MAP4: variants seen among roughly 807,000 people sequenced by gnomAD.
MAP4 encodes the protein microtubule-associated protein 4.
Under a neutral mutation model 170.2 loss-of-function variants are expected in MAP4, and 76 were observed. That is an observed-to-expected ratio of 0.45 (90% CI 0.37 to 0.54). MAP4 has a LOEUF of 0.54. Among genes scored for constraint, MAP4 ranks in the 20% least tolerant of loss-of-function variants. MAP4 has a pLI of 0.00. For synonymous variants in MAP4, 909 were observed against 994.5 expected, an observed-to-expected ratio of 0.91 and a Z score of 1.62; for missense variants, 2,506 against 2,748.0, an observed-to-expected ratio of 0.91 and a Z score of 1.97.
At chr3:47,912,967 G>A (rs1206885681) in intron 8 of MAP4, among the ~76,000 whole-genome samples, 2 of 152,032 alleles carry the variant, frequency 1.3e-5, no homozygotes, top group Non-Finnish European at 2.9e-5. Context: ...GTCACTTCAC[G>A]CACACACACA....
intron 2 of MAP4, 101 bp from the exon 3 acceptor site, chr3:47,978,034 A>C (rs1368746719): frequency 2.6e-6 from 2 of 779,282 alleles, no homozygotes; most frequent in African/African-American, 3.4e-5. Context: ...TCTTTGTAGC[A>C]TTAGGTTAAA....
intron 2 of MAP4, among the ~76,000 whole-genome samples, chr3:47,987,175 T>C (rs1287422072): frequency 2.6e-5 from 4 of 152,206 alleles, no homozygotes; most frequent in Non-Finnish European, 1.5e-5. Flanking sequence ...TTCTTAACCC[T>C]GAGAAACTTG....
intron 4 of MAP4, among the ~76,000 whole-genome samples, chr3:47,923,430 C>T (rs1386305041): frequency 1.3e-5 from 2 of 150,812 alleles, no homozygotes; most frequent in Admixed American, 6.6e-5. Flanking sequence ...TTCAGAAAAC[C>T]ATGGGAGCCT....
chr3:48,058,537 G>C (rs903898198), intron 1 of MAP4, among the ~76,000 whole-genome samples: 2 of 152,096 alleles, frequency 1.3e-5, no homozygotes, highest in Non-Finnish European at 2.9e-5. Context: ...GTAACTATCA[G>C]AACTGGTGAT....
intron 1 of MAP4, among the ~76,000 whole-genome samples, chr3:48,010,270 CCAGCTATGA>C (rs1427381229): frequency 1.3e-5 from 2 of 152,168 alleles, no homozygotes; most frequent in Non-Finnish European, 2.9e-5. Context: ...GTCATCAATA[CCAGCTATGA>C]CCACGTGACC....
chr3:47,894,052 G>T (rs1188685459), intron 10 of MAP4, among the ~76,000 whole-genome samples: 1 of 151,474 alleles, frequency 6.6e-6, no homozygotes, highest in East Asian at 1.9e-4. Flanking sequence ...TCATGATGAT[G>T]AGTGGCAATG....
At chr3:48,017,863 T>C (rs2100108576), upstream of MAP4, among the ~76,000 whole-genome samples, 1 of 152,178 alleles carries the variant, frequency 6.6e-6, no homozygotes, top group Admixed American at 6.5e-5. Flanking sequence ...CCAAACCTTT[T>C]GGCACCAGGG....
chr3:47,955,088 G>T (rs982952034), intron 3 of MAP4, among the ~76,000 whole-genome samples: 2 of 152,000 alleles, frequency 1.3e-5, no homozygotes, highest in African/African-American at 4.8e-5. Context: ...GATTTAACTC[G>T]CCAGTTTGTC....
chr3:47,924,021 T>C (rs2100044438), intron 4 of MAP4, among the ~76,000 whole-genome samples: 3 of 152,150 alleles, frequency 2.0e-5, no homozygotes, highest in Admixed American at 2.0e-4. Context: ...GTTTGCACTT[T>C]AAGATGGGAG....
intron 1 of MAP4, among the ~76,000 whole-genome samples, chr3:48,032,622 G>A (rs1284507738): frequency 6.6e-6 from 1 of 151,364 alleles, no homozygotes; most frequent in East Asian, 1.9e-4. Flanking sequence ...CTGAGATTGT[G>A]GCACTGCACT....
Position 47,867,346 on chromosome 3 carries a change from G to A in MAP4, c.6409-8C>T. 1 of 1,595,128 alleles carries A rather than the reference G, an allele frequency of 6.3e-7. No individual in the cohort carries two copies. The highest frequency in any genetic ancestry group is 8.6e-7 in the Non-Finnish European group (1 of 1,163,142). ...TTTGGAGACTATCTGGACCTGGAGT[G>A]TTAGAAAATAGAAAAAACAACACAA... On this transcript the variant is annotated splice_polypyrimidine_tract_variant and splice_region_variant and intron_variant, in intron 16 of 20. Transcript: ENST00000683076.
At chr3:47,982,384 A>G (rs2100085897) in intron 2 of MAP4, among the ~76,000 whole-genome samples, 1 of 152,238 alleles carries the variant, frequency 6.6e-6, no homozygotes, top group Admixed American at 6.5e-5. Context: ...TAAAAGTTCA[A>G]GGACTCAAAA....
chr3:47,853,403 T>C (rs760520545), intron 19 of MAP4, 51 bp from the exon 20 acceptor site: 3 of 1,235,436 alleles, frequency 2.4e-6, no homozygotes, highest in Non-Finnish European at 2.3e-6. Flanking sequence ...AGGGGGGGAG[T>C]GGGATGGGGT....
At chr3:48,075,397 T>C (rs1341112398) in intron 1 of MAP4, among the ~76,000 whole-genome samples, 4 of 151,786 alleles carry the variant, frequency 2.6e-5, no homozygotes, top group Admixed American at 1.3e-4. Context: ...TGGTGGTGCA[T>C]GCCTGTAATC....
intron 7 of MAP4, among the ~76,000 whole-genome samples, 198 bp downstream of exon 7, chr3:47,915,753 A>C (rs2100038409): frequency 1.3e-5 from 2 of 152,304 alleles, no homozygotes; most frequent in South Asian, 4.2e-4. Flanking sequence ...CAATCAGCAG[A>C]GAATGAACAT....
At chr3:47,927,022 T>C (rs145444913) in intron 4 of MAP4, among the ~76,000 whole-genome samples, 1 of 151,618 alleles carries the variant, frequency 6.6e-6, no homozygotes, top group African/African-American at 2.4e-5. Context: ...ATTAGTTGGG[T>C]GTAGTGGGCA....
In MAP4 at chr3:47,911,119, C is replaced by T; in HGVS notation, c.3302G>A (p.Ser1101Asn). 6.5e-7 allele frequency: 1 copy of T among 1,536,144 alleles called. No individual in the cohort carries two copies. Among genetic ancestry groups the T allele is most frequent in the Non-Finnish European group, 8.7e-7 (1 of 1,146,916 alleles). The change falls in exon 9 of 21, where the codon AGT becomes AAT. Residue 1101 changes from serine (S) to asparagine (N), a missense_variant. Ser to Asn is a conservative substitution (Grantham distance 46). Transcript: ENST00000683076. This position sits in a 1 kb window ranked among gnomAD's most constrained non-coding sequence, Gnocchi z 4.0. ...QKDGRAVLIP[S>N]EPVSKTEGMT... The stretch of plus-strand genomic sequence containing the variant: ...TCCTTCAGTTTTAGAGACTGGCTCA[C>T]TCGGTATGAGAACAGCCCTTCCGTC...
At chr3:48,087,761 A>G (rs1579957024) in intron 1 of MAP4, among the ~76,000 whole-genome samples, 1 of 151,642 alleles carries the variant, frequency 6.6e-6, no homozygotes, top group South Asian at 2.1e-4. Flanking sequence ...ACACACACAC[A>G]CACACACACA....
intron 2 of MAP4, among the ~76,000 whole-genome samples, chr3:47,990,453 A>T (rs2100091485): frequency 6.6e-6 from 1 of 152,204 alleles, no homozygotes; most frequent in Non-Finnish European, 1.5e-5. Context: ...TTTACTAAAA[A>T]TGCAAAAAAC....
Sources: allele counts gnomAD v4.1 joint callset (sites outside exome capture counted in the v4.1 genomes callset), GRCh38; gene constraint gnomAD v4.1.1; non-coding constraint Gnocchi (gnomAD v3.1); transcripts MANE v1.5; gene names NCBI Gene and HGNC (gene_info 2026-07-23, HGNC 2026-07-21).